KLF16: variants seen among roughly 807,000 people sequenced by gnomAD.
The protein encoded by KLF16 is Krueppel-like factor 16.
In KLF16, 6 loss-of-function variants were observed where a neutral mutation model predicts 6.1. That is an observed-to-expected ratio of 0.98 (90% CI 0.54 to 1.93). The LOEUF (loss-of-function observed/expected upper bound fraction) is 1.93. KLF16 is among the 30% of genes most tolerant of loss of function. The pLI is 0.01. For missense variants in KLF16, 355 were observed against 363.8 expected (o/e 0.98, Z 0.20); for synonymous variants, 211 against 176.5 (o/e 1.20, Z -1.55).
At chr19:1,874,833 C>T in the KLF16 span, 1 of 148,384 alleles carries the variant, frequency 6.7e-6, no homozygotes, top group African/African-American at 2.5e-5. Flanking sequence ...ACCTAGAAAC[C>T]ACCACCATCC....
chr19:1,870,189 C>G, the KLF16 span, among the ~76,000 whole-genome samples: 1 of 151,874 alleles, frequency 6.6e-6, no homozygotes, highest in Non-Finnish European at 1.5e-5. Context: ...CTCGGCCTCC[C>G]AAAGTGCTGG....
upstream of KLF16, among the ~76,000 whole-genome samples, chr19:1,867,191 C>T (rs1194771276): frequency 6.6e-6 from 1 of 152,212 alleles, no homozygotes; most frequent in Non-Finnish European, 1.5e-5. Flanking sequence ...AGAACACAGT[C>T]TCCCAGAGGA....
intron 1 of KLF16, among the ~76,000 whole-genome samples, chr19:1,860,805 G>A (rs1314713836): frequency 6.6e-6 from 1 of 152,218 alleles, no homozygotes; most frequent in South Asian, 2.1e-4. Flanking sequence ...GGTGGTCCTG[G>A]GGGCTGGGGA....
At position 1,863,279 on chromosome 19, in the gene KLF16, G is replaced by A. The variant is rs1027635595; in HGVS notation, c.219C>T (p.Ala73=). The A allele has an allele frequency of 1.0e-6, 1 of 987,888 alleles. No homozygotes were observed. The highest frequency in any genetic ancestry group is 1.2e-6 in the Non-Finnish European group (1 of 833,488). 61.2% of individuals were successfully genotyped at this position (987,888 alleles called of 1,614,324 possible). The change falls in exon 1 of 2, where the codon GCC becomes GCT. Residue 73 remains alanine (A), a synonymous_variant. Transcript: ENST00000250916. ...PAASGPGPGA[A]AAPHLLAASI... Reference sequence around the variant, plus strand: ...TGGCGGCCAGCAGGTGGGGCGCCGCGGCGGCGCCGGGGCCCGGGCCAGAAG... The same window carrying A: ...TGGCGGCCAGCAGGTGGGGCGCCGCAGCGGCGCCGGGGCCCGGGCCAGAAG...
At position 1,857,952 on chromosome 19, in the gene KLF16, G is replaced by A. The variant is rs372999827; in HGVS notation, c.458-3192C>T. Among the ~76,000 whole-genome samples, 1 of 152,032 alleles carries A rather than the reference G, an allele frequency of 6.6e-6. No individual in the cohort carries two copies. Among genetic ancestry groups the A allele is most frequent in the East Asian group, 1.9e-4 (1 of 5,192 alleles). On this transcript the variant is annotated intron_variant, in intron 1 of 1. Transcript: ENST00000250916. The surrounding 1 kb of genome is among the most constrained non-coding windows in gnomAD (Gnocchi z 4.7). ...GAACACTGGTGGTGAGGCCCTGCCAGCCTGGGGGTGGGGTCTCGAATACTA... is the reference window on the plus strand; with the variant it reads ...GAACACTGGTGGTGAGGCCCTGCCAACCTGGGGGTGGGGTCTCGAATACTA...
chr19:1,859,431 TGATCCTAATCCCTTCTCCATAA>T (rs1315999550), intron 1 of KLF16, among the ~76,000 whole-genome samples: 5 of 152,010 alleles, frequency 3.3e-5, no homozygotes, highest in Non-Finnish European at 7.4e-5. Context: ...AACCCCTCTC[TGATCCTAATCCCTTCTCCATAA>T]ATGGATTTGC....
At chr19:1,856,881 T>G (rs2011960642) in intron 1 of KLF16, among the ~76,000 whole-genome samples, 1 of 147,744 alleles carries the variant, frequency 6.8e-6, no homozygotes, top group Non-Finnish European at 1.5e-5. Flanking sequence ...TCACTTCCCC[T>G]TTCAGGGCGG....
chr19:1,864,328 TCAGG>T, upstream of KLF16, among the ~76,000 whole-genome samples: 1 of 152,250 alleles, frequency 6.6e-6, no homozygotes. Context: ...GACCCCGCAC[TCAGG>T]CATCTGCTCG....
chr19:1,863,313 G>C lies in KLF16; in HGVS notation c.185C>G (p.Pro62Arg). 1.0e-6 allele frequency: 1 copy of C among 982,060 alleles called. No individual in the cohort carries two copies. The highest frequency in any genetic ancestry group is 1.2e-6 in the Non-Finnish European group (1 of 829,260). The allele number at this position is 982,060 out of a possible 1,614,324, so 60.8% of individuals were successfully genotyped here. Residue 62 changes from proline to arginine, a missense_variant, in exon 1 of 2, where the codon CCC becomes CGC. Physicochemically the swap from Pro to Arg is moderately radical, Grantham distance 103 (BLOSUM62 -2). Transcript: ENST00000250916. ...GGGGCCCGGGCCAGAAGCGGCGGGG[G>C]GCGGCGGGGGTGGCCCCGGGGTCCC... Reference protein sequence around the residue: ...SPGTPGPPPPPPAASGPGPGA... With the variant: ...SPGTPGPPPPRPAASGPGPGA...
chr19:1,867,524 G>GTGATACACCCCAGCC (rs1416477229), upstream of KLF16, among the ~76,000 whole-genome samples: 1 of 152,016 alleles, frequency 6.6e-6, no homozygotes, highest in East Asian at 1.9e-4. Flanking sequence ...GCAGAGAGCT[G>GTGATACACCCCAGCC]TGATACACCC....
intron 1 of KLF16, 54 bp from the exon 2 acceptor site, chr19:1,854,814 C>A: frequency 6.4e-7 from 1 of 1,571,798 alleles, no homozygotes; most frequent in Non-Finnish European, 8.6e-7. Context: ...GGGGAGATGA[C>A]AGACACGTTC....
chr19:1,865,446 C>T (rs1469894944), upstream of KLF16, among the ~76,000 whole-genome samples: 1 of 152,244 alleles, frequency 6.6e-6, no homozygotes, highest in Admixed American at 6.5e-5. Flanking sequence ...CCTCAGGGTC[C>T]ACACCCAACC....
At chr19:1,872,736 C>T in the KLF16 span, among the ~76,000 whole-genome samples, 2 of 151,048 alleles carry the variant, frequency 1.3e-5, no homozygotes, top group African/African-American at 4.9e-5. Flanking sequence ...CGAGGGAGCG[C>T]GGGCCTGGCC....
At position 1,863,480 on chromosome 19, in the gene KLF16, C is replaced by G; in HGVS notation, c.18G>C (p.Ala6=). Residue 6 remains alanine (A), a synonymous_variant, in exon 1 of 2, where the codon GCG becomes GCC. Transcript: ENST00000250916. MSAAV[A]CVDYFAADVL... ...CGTCGGCGGCGAAGTAATCCACGCA[C>G]GCCACGGCCGCCGACATGCCGAGCA... 4 of 1,029,954 alleles carry G rather than the reference C, an allele frequency of 3.9e-6. No homozygotes were observed. Among genetic ancestry groups the G allele is most frequent in the Non-Finnish European group, 4.7e-6 (4 of 856,746 alleles). The allele number at this position is 1,029,954 out of a possible 1,614,324, so 63.8% of individuals were successfully genotyped here.
the KLF16 span, among the ~76,000 whole-genome samples, chr19:1,870,638 A>C: frequency 6.6e-6 from 1 of 151,808 alleles, no homozygotes; most frequent in African/African-American, 2.4e-5. Context: ...TCACACCACT[A>C]CACTCCAGCC....
At position 1,853,557 on chromosome 19, in the gene KLF16, T is replaced by G. The variant is rs933114061; in HGVS notation, c.*902A>C. 6.6e-6 allele frequency: 1 copy of G among 151,412 alleles called. No homozygotes were observed. The allele number at this position is 151,412 out of a possible 1,614,324, so 9.4% of individuals were successfully genotyped here. A position where few individuals can be genotyped will look rare whatever the true frequency, so the allele number is the denominator to read the frequency against. ...AGCCGCAGTCGTCGTTAAGGGAGAG[T>G]TGATTGTCACGTGATACCGCAACGG... On this transcript the variant is annotated 3_prime_UTR_variant, in exon 2 of 2. Coordinates refer to ENST00000250916, the MANE Select transcript of KLF16 (RefSeq NM_031918.4).
In KLF16 at chr19:1,852,665, T is replaced by TG. The variant is rs892570995; in HGVS notation, c.*1793dup. 14 of 152,266 alleles carry TG rather than the reference T, an allele frequency of 9.2e-5. No homozygotes were observed. The highest frequency in any genetic ancestry group is 3.4e-4 in the African/African-American group (14 of 41,410). The allele number at this position is 152,266 out of a possible 1,614,324, so 9.4% of individuals were successfully genotyped here. A position where few individuals can be genotyped will look rare whatever the true frequency, so the allele number is the denominator to read the frequency against. On this transcript the variant is annotated 3_prime_UTR_variant, in exon 2 of 2. Transcript: ENST00000250916. ...CCTACCCCTGCTCCAGACAGGCCCC[T>TG]GCCAGGGCTGGGGCCAACCAAGACT...
the KLF16 span, among the ~76,000 whole-genome samples, chr19:1,869,122 G>A: frequency 6.6e-6 from 1 of 152,174 alleles, no homozygotes; most frequent in African/African-American, 2.4e-5. Flanking sequence ...GACTTTGGGG[G>A]AAAACAGGAA....
chr19:1,855,912 C>A (rs1326518246), intron 1 of KLF16, among the ~76,000 whole-genome samples: 1 of 152,210 alleles, frequency 6.6e-6, no homozygotes, highest in Non-Finnish European at 1.5e-5. Context: ...GGATGGAGAC[C>A]GGATGTGCAT....
Sources: allele counts gnomAD v4.1 joint callset (sites outside exome capture counted in the v4.1 genomes callset), GRCh38; gene constraint gnomAD v4.1.1; non-coding constraint Gnocchi (gnomAD v3.1); transcripts MANE v1.5; gene names NCBI Gene and HGNC (gene_info 2026-07-23, HGNC 2026-07-21).